Variants in MGAT4C observed in about 807,000 individuals in gnomAD.
MGAT4C encodes the protein MGAT4 family member C.
MGAT4C carries 19 observed loss-of-function variants against 40.1 expected under a neutral mutation model. The observed-to-expected ratio is 0.47, with a 90% CI of 0.33 to 0.70. The LOEUF is 0.70. MGAT4C is among the 30% of genes least tolerant of loss of function. The pLI, the probability that MGAT4C is intolerant of heterozygous loss-of-function variation, is 0.02. For missense variants in MGAT4C, 491 were observed against 563.2 expected, an observed-to-expected ratio of 0.87 and a Z score of 1.30; for synonymous variants, 181 against 187.1, an observed-to-expected ratio of 0.97 and a Z score of 0.27.
chr12:86,065,858 A>G (rs1894488369), intron 1 of MGAT4C, among the ~76,000 whole-genome samples: 1 of 152,228 alleles, frequency 6.6e-6, no homozygotes, highest in Non-Finnish European at 1.5e-5. Context: ...AACTTCAGCA[A>G]TGTCTCAGGA....
chr12:86,607,935 G>A (rs1435192840), intron 2 of MGAT4C, among the ~76,000 whole-genome samples: 1 of 152,052 alleles, frequency 6.6e-6, no homozygotes, highest in Non-Finnish European at 1.5e-5. Flanking sequence ...GATTGAGACA[G>A]GAATTCACTA....
intron 3 of MGAT4C, among the ~76,000 whole-genome samples, chr12:86,338,536 T>A (rs1954837494): frequency 6.6e-6 from 1 of 152,182 alleles, no homozygotes; most frequent in African/African-American, 2.4e-5. Flanking sequence ...GTCTTTGTTT[T>A]AAATGATAAA....
chr12:86,626,631 C>T (rs1962813677), intron 2 of MGAT4C, among the ~76,000 whole-genome samples: 1 of 152,070 alleles, frequency 6.6e-6, no homozygotes, highest in Admixed American at 6.6e-5. Context: ...TGAAACTTTC[C>T]ATTATTTTCT....
chr12:86,491,268 A>G (rs1958128020), intron 2 of MGAT4C, among the ~76,000 whole-genome samples: 1 of 152,188 alleles, frequency 6.6e-6, no homozygotes, highest in Admixed American at 6.5e-5. Context: ...CAATAGAAAA[A>G]GAGGGAATCA....
intron 2 of MGAT4C, among the ~76,000 whole-genome samples, chr12:86,619,619 C>G (rs1962574255): frequency 6.6e-6 from 1 of 152,110 alleles, no homozygotes; most frequent in Admixed American, 6.5e-5. Context: ...ATTTTTCATA[C>G]TGCCTCACTC....
chr12:86,313,239 A>C (rs1954122935), intron 4 of MGAT4C, among the ~76,000 whole-genome samples: 1 of 152,230 alleles, frequency 6.6e-6, no homozygotes, highest in African/African-American at 2.4e-5. Flanking sequence ...GGTACTTTTA[A>C]GTAATCTGTG....
chr12:86,155,960 G>A (rs1022008345), intron 1 of MGAT4C, among the ~76,000 whole-genome samples: 5 of 152,022 alleles, frequency 3.3e-5, no homozygotes, highest in African/African-American at 1.2e-4. Flanking sequence ...TATCATTTTA[G>A]TCTAGTGAAA....
intron 1 of MGAT4C, among the ~76,000 whole-genome samples, chr12:86,773,945 CTTTTTTTTTTTTTTTTTTTTT>C (rs140530916): frequency 1.7e-5 from 1 of 58,438 alleles, no homozygotes; most frequent in Non-Finnish European, 3.2e-5. Flanking sequence ...AAAGTAACTT[CTTTTTTTTTTTTTTTTTTTTT>C]TTTTTGAGTG....
At chr12:86,034,773 C>T (rs1405966067) in intron 2 of MGAT4C, among the ~76,000 whole-genome samples, 1 of 149,108 alleles carries the variant, frequency 6.7e-6, no homozygotes, top group East Asian at 1.9e-4. Context: ...TGTTCCCCTC[C>T]CTGTGTCCAT....
chr12:86,236,797 T>C (rs183113153), intron 1 of MGAT4C, among the ~76,000 whole-genome samples: 39 of 152,022 alleles, frequency 2.6e-4, no homozygotes, highest in African/African-American at 9.4e-4. Flanking sequence ...GTAACAGAAA[T>C]AATTTAATAT....
At chr12:86,516,767 A>C (rs948279607) in intron 2 of MGAT4C, among the ~76,000 whole-genome samples, 1 of 152,216 alleles carries the variant, frequency 6.6e-6, no homozygotes, top group Non-Finnish European at 1.5e-5. Flanking sequence ...ATCAAAAATC[A>C]CATGAAAATA....
rs36154098 is a variant in MGAT4C at position 86,705,216 on chromosome 12, C to CTCTATCTATCTA, written c.-229+21981_-229+21992dup. 2.3e-3 allele frequency among the ~76,000 whole-genome samples: 336 copies of CTCTATCTATCTA among 147,698 alleles called. 2 individuals are homozygous for CTCTATCTATCTA. The highest frequency in any genetic ancestry group is 6.8e-3 in the Middle Eastern group (2 of 292). On this transcript the variant is annotated intron_variant, in intron 2 of 7. Coordinates refer to the MGAT4C transcript ENST00000548651. ...AATTATCTATCTATCTGTCTATTAT[C>CTCTATCTATCTA]TCTATCTATCTATCTATCTATCTAT...
intron 3 of MGAT4C, among the ~76,000 whole-genome samples, chr12:86,382,917 C>A (rs55767133): frequency 0.066 from 10,120 of 152,182 alleles, 800 homozygotes; most frequent in East Asian, 0.21. Flanking sequence ...GCTGCAGGGG[C>A]AAAGCCCTCA....
intron 1 of MGAT4C, among the ~76,000 whole-genome samples, chr12:86,061,193 T>G (rs1893925653): frequency 6.6e-6 from 1 of 152,140 alleles, no homozygotes; most frequent in Non-Finnish European, 1.5e-5. Context: ...GGACAGTGGG[T>G]GCAGCCCAAG....
chr12:86,066,037 C>T (rs528844856), intron 1 of MGAT4C, among the ~76,000 whole-genome samples: 1 of 152,208 alleles, frequency 6.6e-6, no homozygotes, highest in South Asian at 2.1e-4. Flanking sequence ...GAACTACAAA[C>T]CACTGCTCAA....
chr12:86,571,545 A>C (rs1267979568), intron 2 of MGAT4C, among the ~76,000 whole-genome samples: 2 of 152,104 alleles, frequency 1.3e-5, no homozygotes, highest in Admixed American at 1.3e-4. Flanking sequence ...TCTTTAACAA[A>C]ATCCTTAATA....
intron 1 of MGAT4C, among the ~76,000 whole-genome samples, chr12:86,149,070 T>G (rs1883935166): frequency 1.3e-5 from 2 of 152,202 alleles, no homozygotes; most frequent in Non-Finnish European, 1.5e-5. Context: ...GTAAAATTTC[T>G]TATAGGTTAA....
chr12:86,126,377 A>C (rs777273198), intron 1 of MGAT4C, among the ~76,000 whole-genome samples: 21 of 152,166 alleles, frequency 1.4e-4, no homozygotes, highest in Non-Finnish European at 2.4e-4. Context: ...TGCATAACTT[A>C]TTAGTCCTTA....
At chr12:86,156,663 G>A (rs1226788223) in intron 1 of MGAT4C, among the ~76,000 whole-genome samples, 6 of 152,116 alleles carry the variant, frequency 3.9e-5, no homozygotes, top group Non-Finnish European at 7.4e-5. Context: ...TGTGAGAATA[G>A]TTTTGGTTCC....
Sources: allele counts gnomAD v4.1 joint callset (sites outside exome capture counted in the v4.1 genomes callset), GRCh38; gene constraint gnomAD v4.1.1; transcripts MANE v1.5; gene names NCBI Gene and HGNC (gene_info 2026-07-23, HGNC 2026-07-21).